Variants in TLE1 observed in about 807,000 individuals in gnomAD.
TLE1 encodes the protein transducin-like enhancer protein 1.
In TLE1, 21 loss-of-function variants were observed where a neutral mutation model predicts 89.8. The ratio of observed to expected loss-of-function variants is 0.23; its 90% CI spans 0.17 to 0.34. TLE1 has a LOEUF of 0.34. TLE1 is among the 10% of genes least tolerant of loss of function. The pLI, the probability that TLE1 is intolerant of heterozygous loss-of-function variation, is 1.00. For synonymous variants in TLE1, 447 were observed against 407.6 expected (o/e 1.10, Z -1.16); for missense variants, 795 against 1,031.2 (o/e 0.77, Z 3.14).
At chr9:81,682,003 T>G (rs894525555) in intron 4 of TLE1, among the ~76,000 whole-genome samples, 2 of 151,772 alleles carry the variant, frequency 1.3e-5, no homozygotes, top group Non-Finnish European at 2.9e-5. Flanking sequence ...CCTAGCACTT[T>G]GGGAGGCCAA....
intron 6 of TLE1, among the ~76,000 whole-genome samples, chr9:81,650,266 T>C (rs1447538191): frequency 6.6e-6 from 1 of 152,224 alleles, no homozygotes; most frequent in Non-Finnish European, 1.5e-5. Flanking sequence ...GATTTCCTCC[T>C]TCCTAAAGTG....
rs1834427115 is a variant in TLE1 at position 81,687,342 on chromosome 9, C to T, written c.117G>A (p.Gln39=). 6.2e-7 allele frequency: 1 copy of T among 1,605,172 alleles called. No homozygotes were observed. The highest frequency in any genetic ancestry group is 8.5e-7 in the Non-Finnish European group (1 of 1,177,434). The change falls in exon 2 of 20, where the codon CAG becomes CAA. Residue 39 remains glutamine, a synonymous_variant. Coordinates refer to ENST00000376499, the MANE Select transcript of TLE1 (RefSeq NM_005077.5). ...CGCGGCCGGACACGCACCTGTGATA[C>T]TGCGCCTGCAGGAACTGGAATTCCT... ...IKEEFQFLQA[Q]YHSLKLECEK...
At chr9:81,585,440 T>A in intron 18 of TLE1, 65 bp downstream of exon 18, 1 of 1,576,136 alleles carries the variant, frequency 6.3e-7, no homozygotes, top group Non-Finnish European at 8.6e-7. Flanking sequence ...TCTACCATAT[T>A]TTTTTAAGAA....
Position 81,634,313 on chromosome 9 carries a change from G to A in TLE1, c.373-12C>T. ...TGCAACTGCTGCTGCTGTTGGTGGTGGTGGTGAGAGAGAAAAAGGAGGAGG... is the reference window on the plus strand; with the variant it reads ...TGCAACTGCTGCTGCTGTTGGTGGTAGTGGTGAGAGAGAAAAAGGAGGAGG... On this transcript the variant is annotated splice_polypyrimidine_tract_variant and intron_variant, in intron 6 of 19. Coordinates refer to ENST00000376499, the MANE Select transcript of TLE1 (RefSeq NM_005077.5). 1 of 1,485,910 alleles carries A rather than the reference G, an allele frequency of 6.7e-7. No homozygotes were observed. The highest frequency in any genetic ancestry group is 2.5e-5 in the East Asian group (1 of 40,324). The allele number at this position is 1,485,910 out of a possible 1,614,324, so 92.0% of individuals were successfully genotyped here.
At chr9:81,688,105 G>A (rs1257963463) in intron 1 of TLE1, 112 bp downstream of exon 1, 12 of 1,400,144 alleles carry the variant, frequency 8.6e-6, no homozygotes, top group South Asian at 6.1e-5. Flanking sequence ...GCCTTACACC[G>A]CTGAGGGCGA....
chr9:81,603,064 C>T (rs1831156199), intron 14 of TLE1, among the ~76,000 whole-genome samples: 1 of 152,172 alleles, frequency 6.6e-6, no homozygotes, highest in South Asian at 2.1e-4. Flanking sequence ...CTCTGTTCCA[C>T]TCTGATTGAC....
intron 8 of TLE1, among the ~76,000 whole-genome samples, chr9:81,621,711 A>C (rs1170440946): frequency 6.6e-6 from 1 of 152,192 alleles, no homozygotes. Context: ...AGCCAGAGGT[A>C]ATCAGCCAGG....
chr9:81,609,456 T>C (rs1298370520), intron 14 of TLE1, among the ~76,000 whole-genome samples: 1 of 152,224 alleles, frequency 6.6e-6, no homozygotes, highest in Non-Finnish European at 1.5e-5. Context: ...ATTTCAATTC[T>C]GCTGTTTAAA....
At chr9:81,686,562 G>A (rs949316891) in intron 2 of TLE1, among the ~76,000 whole-genome samples, 1 of 152,166 alleles carries the variant, frequency 6.6e-6, no homozygotes, top group Non-Finnish European at 1.5e-5. Context: ...TCATCTGTGT[G>A]CTTTTTCTCA....
intron 6 of TLE1, among the ~76,000 whole-genome samples, chr9:81,643,396 C>A (rs1207091798): frequency 1.3e-5 from 2 of 151,802 alleles, no homozygotes; most frequent in African/African-American, 4.8e-5. Context: ...GCCACCACGC[C>A]AGGCTAATTT....
chr9:81,606,536 C>T (rs1831682020), intron 14 of TLE1, among the ~76,000 whole-genome samples: 1 of 152,184 alleles, frequency 6.6e-6, no homozygotes, highest in South Asian at 2.1e-4. Flanking sequence ...GACAGAAAAC[C>T]AAACACTGCA....
At chr9:81,667,181 G>C (rs1336622642) in intron 4 of TLE1, among the ~76,000 whole-genome samples, 1 of 152,076 alleles carries the variant, frequency 6.6e-6, no homozygotes, top group Non-Finnish European at 1.5e-5. Flanking sequence ...GGGAGGCCGA[G>C]GCAGGTGGAT....
intron 8 of TLE1, among the ~76,000 whole-genome samples, chr9:81,623,011 T>A (rs753358188): frequency 1.3e-5 from 2 of 152,176 alleles, no homozygotes; most frequent in Non-Finnish European, 2.9e-5. Flanking sequence ...CCTGACTTCT[T>A]CCAGCCCTGA....
At chr9:81,680,015 TA>T (rs150587012) in intron 4 of TLE1, among the ~76,000 whole-genome samples, 8,416 of 152,306 alleles carry the variant, frequency 0.055, 345 homozygotes, top group Non-Finnish European at 0.081. Context: ...TTCTGTTTCT[TA>T]ATAAACACTA....
At chr9:81,610,124 C>T (rs1244332485) in intron 14 of TLE1, 96 bp downstream of exon 14, 23 of 1,087,866 alleles carry the variant, frequency 2.1e-5, no homozygotes, top group South Asian at 4.3e-5. Flanking sequence ...TCCTTGGAAA[C>T]GCCCAAGCCT....
chr9:81,604,969 G>A (rs1023557647), intron 14 of TLE1, among the ~76,000 whole-genome samples: 4 of 152,122 alleles, frequency 2.6e-5, no homozygotes, highest in Non-Finnish European at 5.9e-5. Context: ...AGTCAAACCA[G>A]GATATTTACT....
At chr9:81,668,866 C>T (rs1251498486) in intron 4 of TLE1, among the ~76,000 whole-genome samples, 3 of 152,114 alleles carry the variant, frequency 2.0e-5, no homozygotes, top group Non-Finnish European at 4.4e-5. Context: ...CCAGGGGCCA[C>T]CAGAAGTTAC....
At chr9:81,681,773 C>G (rs1433416537) in intron 4 of TLE1, among the ~76,000 whole-genome samples, 1 of 152,128 alleles carries the variant, frequency 6.6e-6, no homozygotes, top group African/African-American at 2.4e-5. Flanking sequence ...ACCCTCCTCT[C>G]CCCAGAAAGA....
intron 14 of TLE1, among the ~76,000 whole-genome samples, chr9:81,606,686 T>C (rs1445655375): frequency 1.3e-5 from 2 of 151,824 alleles, no homozygotes; most frequent in African/African-American, 4.8e-5. Context: ...AATAACGAGT[T>C]GATGGGTGCA....
Sources: gnomAD v4.1 joint callset for allele counts (sites outside exome capture counted in the v4.1 genomes callset) on GRCh38, gnomAD v4.1.1 for gene constraint, MANE v1.5 for transcripts, NCBI Gene and HGNC (gene_info 2026-07-23, HGNC 2026-07-21) for gene names.